ERV3-1: variants seen among roughly 807,000 people sequenced by gnomAD.
ERV3-1 encodes the protein endogenous retrovirus group 3 member 1 Env polyprotein.
In ERV3-1, 36 loss-of-function variants were observed where a neutral mutation model predicts 24.6. The ratio of observed to expected loss-of-function variants is 1.47; its 90% CI spans 1.12 to 1.94. ERV3-1 has a LOEUF of 1.94. Among genes scored for constraint, ERV3-1 ranks in the 30% most tolerant of loss-of-function variants. The pLI is 0.00. For synonymous variants in ERV3-1, 211 were observed against 122.6 expected (o/e 1.72, Z -4.76); for missense variants, 578 against 330.9 (o/e 1.75, Z -5.79).
rs537588822 is a variant in ERV3-1 at position 64,993,327 on chromosome 7, T to C, written c.-301A>G. ...CCATCGTAGGATCAGCTGGGTTGCATGGTCTAGGTCCTGTTGGCTGGTCCA... is the reference window on the plus strand; with the variant it reads ...CCATCGTAGGATCAGCTGGGTTGCACGGTCTAGGTCCTGTTGGCTGGTCCA... On this transcript the variant is annotated 5_prime_UTR_variant, in exon 2 of 2. An upstream start codon of the reference 5' UTR is lost. Coordinates refer to ENST00000394323, the MANE Select transcript of ERV3-1 (RefSeq NM_001007253.4). 1.3e-5 allele frequency: 4 copies of C among 318,714 alleles called. No homozygotes were observed. The highest frequency in any genetic ancestry group is 1.0e-4 in the South Asian group (2 of 19,638). 19.7% of individuals were successfully genotyped at this position (318,714 alleles called of 1,614,324 possible). A position where few individuals can be genotyped will look rare whatever the true frequency, so the allele number is the denominator to read the frequency against.
At chr7:65,006,018 A>AAAT (rs1167841868) in intron 1 of ERV3-1, 1 of 156,790 alleles carries the variant, frequency 6.4e-6, no homozygotes, top group Non-Finnish European at 1.4e-5. Context: ...TGCACTTTAT[A>AAAT]AAAGTGTTTT....
At position 64,992,703 on chromosome 7, in the gene ERV3-1, C is replaced by T. The variant is rs771348524; in HGVS notation, c.324G>A (p.Lys108=). 1.3e-6 allele frequency: 1 copy of T among 766,320 alleles called. No individual in the cohort carries two copies. The highest frequency in any genetic ancestry group is 1.3e-5 in the South Asian group (1 of 74,612). 47.5% of individuals were successfully genotyped at this position (766,320 alleles called of 1,614,324 possible). Residue 108 remains lysine, a synonymous_variant, in exon 2 of 2, where the codon AAG becomes AAA. Coordinates refer to ENST00000394323, the MANE Select transcript of ERV3-1 (RefSeq NM_001007253.4). ...CGACATCCTTGCCAGAGGGAAATAC[C>T]TTGGTTTGGTTTAGAAGATCCCCTT... ...SKEGDLLNQT[K]VFPSGKDVVS...
At chr7:65,005,536 A>C (rs965882812) in intron 1 of ERV3-1, among the ~76,000 whole-genome samples, 2 of 152,216 alleles carry the variant, frequency 1.3e-5, no homozygotes, top group Non-Finnish European at 2.9e-5. Flanking sequence ...AAAATATGGT[A>C]CCTAAAATGT....
intron 1 of ERV3-1, chr7:65,004,062 AC>A (rs1186417512): frequency 1.3e-5 from 2 of 152,184 alleles, no homozygotes; most frequent in Non-Finnish European, 1.5e-5. Context: ...CATTAAAAAA[AC>A]ACACCTGGCT....
Position 65,006,533 on chromosome 7 carries a change from ACT to A in ERV3-1, c.-389+6_-389+7del, listed in dbSNP as rs1786654776. The A allele has an allele frequency of 6.3e-7, 1 of 1,575,124 alleles. No homozygotes were observed. Among genetic ancestry groups the A allele is most frequent in the African/African-American group, 1.4e-5 (1 of 74,012 alleles). On this transcript the variant is annotated splice_donor_region_variant and intron_variant, in intron 1 of 1. Transcript: ENST00000394323. ...CCTCTCTCGGGATGTCGGACCCGGC[ACT>A]CTCACCATTTCTAGGCTTCCAGTGG...
rs748276722 is a variant in ERV3-1 at position 64,991,018 on chromosome 7, T to G, written c.*194A>C. ...CTCTTTTCTTGGCAGGGGTTAATAC[T>G]TAGTTAGGGCCATTAGTCGTGTGGT... On this transcript the variant is annotated 3_prime_UTR_variant, in exon 2 of 2. Coordinates refer to ENST00000394323, the MANE Select transcript of ERV3-1 (RefSeq NM_001007253.4). 4 of 470,740 alleles carry G rather than the reference T, an allele frequency of 8.5e-6. No homozygotes were observed. Among genetic ancestry groups the G allele is most frequent in the Non-Finnish European group, 1.1e-5 (3 of 266,900 alleles). The allele number at this position is 470,740 out of a possible 1,614,324, so 29.2% of individuals were successfully genotyped here.
At position 64,993,014 on chromosome 7, in the gene ERV3-1, T is replaced by C. The variant is rs1287480646; in HGVS notation, c.13A>G (p.Asn5Asp). 2 of 757,010 alleles carry C rather than the reference T, an allele frequency of 2.6e-6. No individual in the cohort carries two copies. The highest frequency in any genetic ancestry group is 3.4e-5 in the Admixed American group (2 of 58,706). The allele number at this position is 757,010 out of a possible 1,614,324, so 46.9% of individuals were successfully genotyped here. The change falls in exon 2 of 2, where the codon AAC (asparagine) becomes GAC (aspartate). Residue 5 changes from asparagine to aspartate, a missense_variant. By Grantham distance (23) the Asn-to-Asp change is conservative. Transcript: ENST00000394323. MLGM[N>D]MLLITLFLLL... is the part of the protein sequence containing the mutation. ...AAGAACAAAGTGATGAGTAGCATGT[T>C]CATACCCAGCATGGACAGAAAAGGC...
Position 65,006,621 on chromosome 7 carries a change from G to T in ERV3-1, c.-469C>A. On this transcript the variant is annotated 5_prime_UTR_variant, in exon 1 of 2. Coordinates refer to ENST00000394323, the MANE Select transcript of ERV3-1 (RefSeq NM_001007253.4). ...GCAGGTAACGAGGCCACAGAAGCTG[G>T]GCCTCTAGGAGCAGAAGACACAGAG... 3 of 1,552,592 alleles carry T rather than the reference G, an allele frequency of 1.9e-6. No individual in the cohort carries two copies. The highest frequency in any genetic ancestry group is 2.7e-6 in the Non-Finnish European group (3 of 1,126,010).
At chr7:65,006,309 A>C (rs6460220) in intron 1 of ERV3-1, 663,523 of 675,588 alleles carry the variant, frequency 0.98, 326,803 homozygotes, top group East Asian at 1. Context: ...GGACTCCAGA[A>C]CAAGGCACAG....
rs1344964395 is a variant in ERV3-1, at chr7:64,990,576, A to G, written c.*636T>C. The stretch of plus-strand genomic sequence containing the variant: ...GACAGGTTTTACAACAGGATTTGCA[A>G]CATGAGCCTACCTTACTTAAACATG... On this transcript the variant is annotated 3_prime_UTR_variant, in exon 2 of 2. Transcript: ENST00000394323. 1 of 152,392 alleles carries G rather than the reference A, an allele frequency of 6.6e-6. No homozygotes were observed. Among genetic ancestry groups the G allele is most frequent in the African/African-American group, 2.4e-5 (1 of 41,472 alleles). 9.4% of individuals were successfully genotyped at this position (152,392 alleles called of 1,614,324 possible). A position where few individuals can be genotyped will look rare whatever the true frequency, so the allele number is the denominator to read the frequency against.
rs557779412 is a variant in ERV3-1, at chr7:65,000,427, G to A, written c.-389+6114C>T. On this transcript the variant is annotated intron_variant, in intron 1 of 1. Coordinates refer to ENST00000394323, the MANE Select transcript of ERV3-1 (RefSeq NM_001007253.4). ...TTAGTAGAGACGGGGGTGTCATCGT[G>A]TTAGCCAGGATGGTCTTGATCTCCT... is the stretch of plus-strand genomic sequence containing the variant. 1.6e-4 allele frequency among the ~76,000 whole-genome samples: 24 copies of A among 151,438 alleles called. No individual in the cohort carries two copies. The South Asian group carries it at 4.9e-3, about 31-fold the overall frequency.
chr7:64,999,494 T>C (rs1004049986), intron 1 of ERV3-1, among the ~76,000 whole-genome samples: 1 of 152,054 alleles, frequency 6.6e-6, no homozygotes, highest in Non-Finnish European at 1.5e-5. Flanking sequence ...CAGGGGCGGG[T>C]CAGGTTTTTG....
rs767670847 is a variant in ERV3-1 at position 64,991,841 on chromosome 7, G to C, written c.1186C>G (p.Pro396Ala). Residue 396 changes from proline (P) to alanine (A), a missense_variant, in exon 2 of 2, where the codon CCA (proline) becomes GCA (alanine). By Grantham distance (27) the Pro-to-Ala change is conservative. Coordinates refer to ENST00000394323, the MANE Select transcript of ERV3-1 (RefSeq NM_001007253.4). Reference sequence around the variant, plus strand: ...TGGTACCAAGAATGGTTTAAAGATGGGAAACGAGAGAATGGGCTTGGGTGT... The same window carrying C: ...TGGTACCAAGAATGGTTTAAAGATGCGAAACGAGAGAATGGGCTTGGGTGT... The part of the protein sequence containing the change: ...SPHPSPFSRF[P>A]SLNHSWYQLE... 5.2e-5 allele frequency: 40 copies of C among 766,240 alleles called. 1 individual carries two copies. The South Asian group carries it at 5.2e-4, about 10-fold the overall frequency. 47.5% of individuals were successfully genotyped at this position (766,240 alleles called of 1,614,324 possible).
chr7:64,999,420 C>T (rs978612544), intron 1 of ERV3-1, among the ~76,000 whole-genome samples: 7 of 152,176 alleles, frequency 4.6e-5, no homozygotes, highest in Admixed American at 1.3e-4. Context: ...CCAGCCCAGC[C>T]GATGAACATC....
In ERV3-1 at chr7:64,992,488, G is replaced by A. The variant is rs1786298998; in HGVS notation, c.539C>T (p.Pro180Leu). 2.6e-6 allele frequency: 2 copies of A among 766,282 alleles called. No individual in the cohort carries two copies. Among genetic ancestry groups the A allele is most frequent in the South Asian group, 2.7e-5 (2 of 74,614 alleles). 47.5% of individuals were successfully genotyped at this position (766,282 alleles called of 1,614,324 possible). The part of the protein sequence containing the change: ...TWSTNQQSLG[P>L]IMLTKIPLEP... ...TAATGGTATTTTGGTAAGCATAATTGGCCCTAGTGATTGTTGGTTAGTGGA... is the reference window on the plus strand; with the variant it reads ...TAATGGTATTTTGGTAAGCATAATTAGCCCTAGTGATTGTTGGTTAGTGGA... The change falls in exon 2 of 2, where the codon CCA becomes CTA. Residue 180 changes from proline (P) to leucine (L), a missense_variant. Pro to Leu is a moderately conservative substitution (Grantham distance 98, BLOSUM62 -3). Coordinates refer to ENST00000394323, the MANE Select transcript of ERV3-1 (RefSeq NM_001007253.4).
chr7:65,002,137 G>A (rs577508844), intron 1 of ERV3-1, among the ~76,000 whole-genome samples: 19 of 152,238 alleles, frequency 1.2e-4, no homozygotes, highest in East Asian at 3.9e-4. Flanking sequence ...GGTAAATAGC[G>A]TTAATAAAAT....
At chr7:64,996,905 G>A (rs374090005) in intron 1 of ERV3-1, among the ~76,000 whole-genome samples, 3 of 152,322 alleles carry the variant, frequency 2.0e-5, no homozygotes, top group East Asian at 3.9e-4. Context: ...GCCCAGTCTG[G>A]CCTAATCTTC....
At chr7:65,002,312 C>T (rs942636106) in intron 1 of ERV3-1, among the ~76,000 whole-genome samples, 4 of 152,000 alleles carry the variant, frequency 2.6e-5, no homozygotes, top group Non-Finnish European at 5.9e-5. Context: ...CTTCAGTGGT[C>T]AAAATAAAAT....
chr7:65,005,249 T>A (rs1246122158), intron 1 of ERV3-1: 1 of 152,308 alleles, frequency 6.6e-6, no homozygotes, highest in African/African-American at 2.4e-5. Context: ...TCTTGATTTA[T>A]CCCCAGACAG....
Sources: gnomAD v4.1 joint callset for allele counts (sites outside exome capture counted in the v4.1 genomes callset) on GRCh38, gnomAD v4.1.1 for gene constraint, MANE v1.5 for transcripts, NCBI Gene and HGNC (gene_info 2026-07-23, HGNC 2026-07-21) for gene names.